Variants in CDH12 observed in about 807,000 individuals in gnomAD.
CDH12 encodes cadherin 12, also known as cadherin-12.
CDH12 carries 41 observed loss-of-function variants against 74.1 expected under a neutral mutation model. The observed-to-expected ratio is 0.55, with a 90% CI of 0.43 to 0.72. CDH12 has a LOEUF of 0.72. Ranked by LOEUF, CDH12 falls within the 30% of genes least tolerant of loss-of-function variation. CDH12 has a pLI of 0.00. For synonymous variants in CDH12, 399 were observed against 355.0 expected (o/e 1.12, Z -1.39); for missense variants, 945 against 977.2 (o/e 0.97, Z 0.44).
At chr5:22,350,673 C>T (rs1434067172) in intron 3 of CDH12, among the ~76,000 whole-genome samples, 1 of 152,048 alleles carries the variant, frequency 6.6e-6, no homozygotes, top group East Asian at 1.9e-4. Context: ...TATTATCCTA[C>T]CTTTGTGGAT....
chr5:22,474,846 C>G (rs1359796982), intron 2 of CDH12, among the ~76,000 whole-genome samples: 1 of 151,912 alleles, frequency 6.6e-6, no homozygotes, highest in African/African-American at 2.4e-5. Flanking sequence ...AGGAACCAAG[C>G]CATAGTACAA....
intron 1 of CDH12, among the ~76,000 whole-genome samples, chr5:22,764,566 A>G (rs112236101): frequency 4.1e-4 from 62 of 152,118 alleles, no homozygotes; most frequent in African/African-American, 1.3e-3. Flanking sequence ...ATCTCAAACA[A>G]TTTCCACGTA....
At chr5:22,841,768 G>A (rs1737092725) in intron 1 of CDH12, among the ~76,000 whole-genome samples, 1 of 152,112 alleles carries the variant, frequency 6.6e-6, no homozygotes, top group Non-Finnish European at 1.5e-5. Flanking sequence ...AATTAACTGA[G>A]TCAAATAAAC....
intron 3 of CDH12, among the ~76,000 whole-genome samples, chr5:22,343,549 C>T: frequency 6.6e-6 from 1 of 152,224 alleles, no homozygotes; most frequent in Non-Finnish European, 1.5e-5. Context: ...TCCCGAGTAG[C>T]TGGGACTACA....
chr5:22,668,572 T>C (rs1389717234), intron 1 of CDH12, among the ~76,000 whole-genome samples: 4 of 152,150 alleles, frequency 2.6e-5, no homozygotes, highest in Admixed American at 6.6e-5. Flanking sequence ...CAGGGCATCA[T>C]GTGGTGAGGG....
chr5:22,580,589 T>C, intron 1 of CDH12: 3 of 473,296 alleles, frequency 6.3e-6, no homozygotes, highest in Admixed American at 4.5e-5. Context: ...CCATAAACTT[T>C]TGGATTTTTT....
intron 10 of CDH12, among the ~76,000 whole-genome samples, chr5:21,784,858 C>T (rs759771644): frequency 3.9e-5 from 6 of 152,268 alleles, no homozygotes; most frequent in Non-Finnish European, 7.4e-5. Flanking sequence ...AAATGAAATA[C>T]ATCTGAAATA....
At chr5:22,257,593 G>A (rs532490448) in intron 3 of CDH12, among the ~76,000 whole-genome samples, 129 of 151,818 alleles carry the variant, frequency 8.5e-4, no homozygotes, top group Non-Finnish European at 1.5e-3. Context: ...TCTGCCTCCT[G>A]GGTTCAAGCA....
chr5:22,790,497 T>C (rs1328390844), intron 1 of CDH12, among the ~76,000 whole-genome samples: 1 of 152,124 alleles, frequency 6.6e-6, no homozygotes, highest in Non-Finnish European at 1.5e-5. Context: ...ATGATCAATG[T>C]AACTTTCATC....
At chr5:22,012,608 G>T (rs1167393392) in intron 5 of CDH12, among the ~76,000 whole-genome samples, 1 of 152,120 alleles carries the variant, frequency 6.6e-6, no homozygotes, top group Non-Finnish European at 1.5e-5. Context: ...GAGTTTAGTA[G>T]TATGAAAGTG....
intron 4 of CDH12, among the ~76,000 whole-genome samples, chr5:22,080,351 G>C (rs562955198): frequency 6.6e-6 from 1 of 152,168 alleles, no homozygotes; most frequent in Non-Finnish European, 1.5e-5. Context: ...CTTGAGATAA[G>C]ATATGAGATG....
intron 4 of CDH12, among the ~76,000 whole-genome samples, chr5:22,134,420 T>C (rs984279711): frequency 2.0e-5 from 3 of 151,922 alleles, no homozygotes; most frequent in African/African-American, 7.3e-5. Context: ...GCGGGTGGGG[T>C]GTAGTTGGGT....
chr5:22,261,751 G>A (rs1753521146), intron 3 of CDH12, among the ~76,000 whole-genome samples: 2 of 150,128 alleles, frequency 1.3e-5, no homozygotes, highest in African/African-American at 2.5e-5. Context: ...TGTCCCACAC[G>A]GGTGTCAAGA....
intron 11 of CDH12, among the ~76,000 whole-genome samples, chr5:21,775,753 T>C (rs1009066905): frequency 1.3e-5 from 2 of 152,146 alleles, no homozygotes; most frequent in Non-Finnish European, 2.9e-5. Flanking sequence ...CTTATTATAT[T>C]CTTTCTGGGA....
chr5:22,325,215 C>A (rs780240531), intron 3 of CDH12, among the ~76,000 whole-genome samples: 2 of 152,034 alleles, frequency 1.3e-5, no homozygotes, highest in Non-Finnish European at 2.9e-5. Flanking sequence ...AAATATAAAT[C>A]ATAACAAAAA....
At chr5:22,094,800 T>C (rs1035924151) in intron 4 of CDH12, among the ~76,000 whole-genome samples, 2 of 152,148 alleles carry the variant, frequency 1.3e-5, no homozygotes, top group African/African-American at 4.8e-5. Flanking sequence ...GACATTATCT[T>C]GTGAAATTCC....
At chr5:22,595,635 C>T (rs2126805173) in intron 1 of CDH12, among the ~76,000 whole-genome samples, 1 of 152,304 alleles carries the variant, frequency 6.6e-6, no homozygotes. Flanking sequence ...CCTAACCCAA[C>T]ACCTAACACA....
chr5:22,506,222 G>C (rs914910808), intron 1 of CDH12, among the ~76,000 whole-genome samples: 2 of 152,102 alleles, frequency 1.3e-5, no homozygotes. Context: ...ACAGAGTTAA[G>C]CTCCATTTGC....
At chr5:22,815,612 A>G (rs558764635) in intron 1 of CDH12, among the ~76,000 whole-genome samples, 3 of 151,954 alleles carry the variant, frequency 2.0e-5, no homozygotes, top group African/African-American at 7.2e-5. Context: ...TCTACTAAAA[A>G]TACAAAAATT....
Sources: allele counts gnomAD v4.1 joint callset (sites outside exome capture counted in the v4.1 genomes callset), GRCh38; gene constraint gnomAD v4.1.1; transcripts MANE v1.5; gene names NCBI Gene and HGNC (gene_info 2026-07-23, HGNC 2026-07-21).